Variants in SORCS1 observed in about 807,000 individuals in gnomAD.
SORCS1 encodes VPS10 domain-containing receptor SorCS1.
In SORCS1, 60 loss-of-function variants were observed where a neutral mutation model predicts 146.1. That is an observed-to-expected ratio of 0.41 (90% CI 0.33 to 0.51). SORCS1 has a LOEUF of 0.51. SORCS1 is among the 20% of genes least tolerant of loss of function. SORCS1 has a pLI of 0.21. For missense variants in SORCS1, 1,352 were observed against 1,487.6 expected, an observed-to-expected ratio of 0.91 and a Z score of 1.50; for synonymous variants, 637 against 584.0, an observed-to-expected ratio of 1.09 and a Z score of -1.31.
At chr10:107,049,114 T>A (rs1445629862) in intron 1 of SORCS1, among the ~76,000 whole-genome samples, 2 of 151,086 alleles carry the variant, frequency 1.3e-5, no homozygotes, top group Non-Finnish European at 2.9e-5. Flanking sequence ...ATGTCCTTTG[T>A]AGGGACATGG....
At chr10:106,601,993 C>A (rs1473476383) in intron 23 of SORCS1, among the ~76,000 whole-genome samples, 1 of 152,158 alleles carries the variant, frequency 6.6e-6, no homozygotes, top group Non-Finnish European at 1.5e-5. Flanking sequence ...ACACATTCAA[C>A]ATCCAAACAA....
chr10:107,092,883 G>GAAAAA (rs34184443), intron 1 of SORCS1, among the ~76,000 whole-genome samples: 16 of 61,522 alleles, frequency 2.6e-4, no homozygotes, highest in African/African-American at 7.4e-4. Context: ...AGAAGACCAT[G>GAAAAA]AAAAAAAAAA....
At chr10:106,757,970 A>G (rs1159793976) in intron 5 of SORCS1, among the ~76,000 whole-genome samples, 1 of 152,196 alleles carries the variant, frequency 6.6e-6, no homozygotes, top group African/African-American at 2.4e-5. Context: ...TATGAGGATT[A>G]AATAGCTTAA....
chr10:106,838,114 C>T (rs1376284702), intron 2 of SORCS1, among the ~76,000 whole-genome samples: 2 of 152,124 alleles, frequency 1.3e-5, no homozygotes, highest in Non-Finnish European at 2.9e-5. Flanking sequence ...TTGTGTTACC[C>T]AGTGGACTTC....
intron 2 of SORCS1, among the ~76,000 whole-genome samples, chr10:106,945,576 C>T (rs776541187): frequency 2.0e-5 from 3 of 152,184 alleles, no homozygotes; most frequent in African/African-American, 7.2e-5. Flanking sequence ...TACCAATGTA[C>T]TAAAATGGGA....
At chr10:106,764,330 C>T (rs1453465381) in intron 4 of SORCS1, among the ~76,000 whole-genome samples, 5 of 152,174 alleles carry the variant, frequency 3.3e-5, no homozygotes, top group African/African-American at 9.7e-5. Context: ...TTCAAGTTAA[C>T]GTGTTAATTA....
intron 1 of SORCS1, among the ~76,000 whole-genome samples, chr10:106,965,938 C>A (rs2139129472): frequency 6.6e-6 from 1 of 152,290 alleles, no homozygotes; most frequent in Non-Finnish European, 1.5e-5. Context: ...TTACTGACCT[C>A]AAGTCAATGG....
intron 24 of SORCS1, among the ~76,000 whole-genome samples, chr10:106,585,935 C>A (rs1442262435): frequency 6.6e-6 from 1 of 152,204 alleles, no homozygotes; most frequent in Non-Finnish European, 1.5e-5. Context: ...CAGCCAAGAT[C>A]AGCAGAGCTC....
intron 1 of SORCS1, among the ~76,000 whole-genome samples, chr10:106,989,761 A>C (rs1956687828): frequency 7.3e-6 from 1 of 136,264 alleles, no homozygotes; most frequent in South Asian, 2.2e-4. Context: ...ATCTCGGTTC[A>C]CTGCAAGCTC....
chr10:106,828,059 T>C (rs58541175), intron 3 of SORCS1, among the ~76,000 whole-genome samples: 18,159 of 152,164 alleles, frequency 0.12, 2,046 homozygotes, highest in East Asian at 0.29. Flanking sequence ...GCACCTGAAA[T>C]GCCTAATTTC....
chr10:107,124,186 T>C (rs564289049), intron 1 of SORCS1, among the ~76,000 whole-genome samples: 2 of 152,110 alleles, frequency 1.3e-5, no homozygotes, highest in African/African-American at 4.8e-5. Flanking sequence ...CACGCTTCAG[T>C]GCTAGTGTGT....
At chr10:106,740,560 C>T (rs1455509108) in intron 5 of SORCS1, among the ~76,000 whole-genome samples, 2 of 152,116 alleles carry the variant, frequency 1.3e-5, no homozygotes, top group Non-Finnish European at 2.9e-5. Flanking sequence ...AGGTGATGCT[C>T]ATAACATTTC....
In SORCS1 at chr10:106,629,382, C is replaced by A; in HGVS notation, c.2482G>T (p.Val828Phe). 1 of 1,613,848 alleles carries A rather than the reference C, an allele frequency of 6.2e-7. No homozygotes were observed. The highest frequency in any genetic ancestry group is 8.5e-7 in the Non-Finnish European group (1 of 1,179,802). Residue 828 changes from valine to phenylalanine, a missense_variant, in exon 19 of 26, where the codon GTT (valine) becomes TTT (phenylalanine). Val to Phe is a conservative substitution (Grantham distance 50). Coordinates refer to ENST00000263054, the MANE Select transcript of SORCS1 (RefSeq NM_052918.5). ...TCCACTTGGATGAGTGTCCGCTGAA[C>A]ATCACCCTGAAAAACAACCCAACAT... Reference protein sequence around the residue: ...TLMVQLEEGDVQRTLIQVDFG... With the variant: ...TLMVQLEEGDFQRTLIQVDFG...
At chr10:106,919,325 C>A (rs1952593677) in intron 2 of SORCS1, among the ~76,000 whole-genome samples, 1 of 152,120 alleles carries the variant, frequency 6.6e-6, no homozygotes, top group Non-Finnish European at 1.5e-5. Context: ...GGGTTTTTCC[C>A]CCTTCAGATC....
chr10:106,910,577 T>C (rs1039783246), intron 2 of SORCS1, among the ~76,000 whole-genome samples: 1 of 152,164 alleles, frequency 6.6e-6, no homozygotes, highest in African/African-American at 2.4e-5. Flanking sequence ...TAAGTTAATA[T>C]AACCGTCGCT....
intron 1 of SORCS1, among the ~76,000 whole-genome samples, chr10:107,081,964 T>A (rs1192374388): frequency 6.6e-6 from 1 of 152,218 alleles, no homozygotes; most frequent in Admixed American, 6.5e-5. Context: ...GTTTGTATGT[T>A]TGGGAAGAAA....
At position 106,675,876 on chromosome 10, in the gene SORCS1, G is replaced by A. The variant is rs111825420; in HGVS notation, c.1833-720C>T. On this transcript the variant is annotated intron_variant, in intron 13 of 25. Transcript: ENST00000263054. ...GAGAAGTGCCTTGCCCTTCCACCAC[G>A]TGAGGATACAGCAAAATGGTGCTAT... Among the ~76,000 whole-genome samples, 1,326 of 152,196 alleles carry A rather than the reference G, an allele frequency of 8.7e-3. 7 individuals are homozygous for A. Among genetic ancestry groups the A allele is most frequent in the Non-Finnish European group, 0.012 (824 of 68,002 alleles).
rs187958251 is a variant in SORCS1 at position 107,107,468 on chromosome 10, C to T, written c.558+56501G>A. 3.9e-5 allele frequency among the ~76,000 whole-genome samples: 6 copies of T among 152,136 alleles called. No individual in the cohort carries two copies. In the East Asian group the frequency reaches 7.7e-4, roughly 20 times the overall value. ...AGGTAGAATTTGTGAGCAAGGCAAT[C>T]GGATACTAGGCTGAGGAAATCTTTA... is the stretch of plus-strand genomic sequence containing the variant. On this transcript the variant is annotated intron_variant, in intron 1 of 25. Transcript: ENST00000263054.
intron 1 of SORCS1, among the ~76,000 whole-genome samples, chr10:106,979,346 C>T (rs1243271016): frequency 1.3e-5 from 2 of 152,046 alleles, no homozygotes; most frequent in African/African-American, 4.8e-5. Context: ...TCAAGATAAT[C>T]ACAGAATTCT....
Sources: allele counts gnomAD v4.1 joint callset (sites outside exome capture counted in the v4.1 genomes callset), GRCh38; gene constraint gnomAD v4.1.1; transcripts MANE v1.5; gene names NCBI Gene and HGNC (gene_info 2026-07-23, HGNC 2026-07-21).